The following DUXB variants were observed in gnomAD, a reference collection of about 807,000 sequenced individuals.
DUXB encodes double homeobox B, also known as double homeobox protein B.
Under a neutral mutation model 8.9 loss-of-function variants are expected in DUXB, and 22 were observed. That is an observed-to-expected ratio of 2.46 (90% CI 1.76 to 3.52). DUXB has a LOEUF of 3.52. Among genes scored for constraint, DUXB ranks in the 30% most tolerant of loss-of-function variants. The pLI is 0.00. For missense variants in DUXB, 237 were observed against 108.7 expected (o/e 2.18, Z -5.25); for synonymous variants, 84 against 37.6 (o/e 2.23, Z -4.52).
At chr16:75,699,277 T>G (rs374406973) in intron 2 of DUXB, among the ~76,000 whole-genome samples, 13 of 152,364 alleles carry the variant, frequency 8.5e-5, no homozygotes, top group African/African-American at 3.1e-4. Context: ...GACATTAAAT[T>G]AAGAAATAGC....
At chr16:75,696,531 G>A (rs1334206666) in intron 3 of DUXB, among the ~76,000 whole-genome samples, 1 of 152,128 alleles carries the variant, frequency 6.6e-6, no homozygotes, top group Admixed American at 6.5e-5. Flanking sequence ...AGGCAACAGA[G>A]TGAGACTCCA....
intron 3 of DUXB, 90 bp from the exon 4 acceptor site, chr16:75,696,205 C>T (rs908603097): frequency 3.0e-6 from 2 of 656,642 alleles, no homozygotes; most frequent in Non-Finnish European, 5.5e-6. Flanking sequence ...TATTTGTTCT[C>T]TCTGAATCCC....
In DUXB at chr16:75,700,121, C is replaced by G. The variant is rs1188198073; in HGVS notation, c.74G>C (p.Ser25Thr). 4.3e-6 allele frequency: 3 copies of G among 702,720 alleles called. No homozygotes were observed. The highest frequency in any genetic ancestry group is 7.8e-6 in the Non-Finnish European group (3 of 384,974). The allele number at this position is 702,720 out of a possible 1,614,324, so 43.5% of individuals were successfully genotyped here. A position where few individuals can be genotyped will look rare whatever the true frequency, so the allele number is the denominator to read the frequency against. The part of the protein sequence containing the change: ...FWRNRIQYNQ[S>T]QKDILQSWFQ... ...CCATGATTGGAGGATATCCTTTTGACTCTGGTTATACTGAATTCTGTTTCT... is the reference window on the plus strand; with the variant it reads ...CCATGATTGGAGGATATCCTTTTGAGTCTGGTTATACTGAATTCTGTTTCT... Residue 25 changes from serine (S) to threonine (T), a missense_variant, in exon 2 of 5, where the codon AGT becomes ACT. By Grantham distance (58) the Ser-to-Thr change is moderately conservative. Coordinates refer to ENST00000633875, the MANE Select transcript of DUXB (RefSeq NM_001351307.2).
rs959397683 is a variant in DUXB at position 75,694,387 on chromosome 16, T to C, written c.580A>G (p.Ser194Gly). 18 of 681,714 alleles carry C rather than the reference T, an allele frequency of 2.6e-5. No homozygotes were observed. The Middle Eastern group carries it at 1.6e-3, about 62-fold the overall frequency. 42.2% of individuals were successfully genotyped at this position (681,714 alleles called of 1,614,324 possible). A position where few individuals can be genotyped will look rare whatever the true frequency, so the allele number is the denominator to read the frequency against. ...HPINLFLPTD[S>G]SHYFSCSHSS... ...TGTGAGCAAGAAAAATAATGAGAGCTGTCTGTGGGGAGGAACAGGTTGATT... is the reference window on the plus strand; with the variant it reads ...TGTGAGCAAGAAAAATAATGAGAGCCGTCTGTGGGGAGGAACAGGTTGATT... The change falls in exon 5 of 5, where the codon AGC becomes GGC. Residue 194 changes from serine (S) to glycine (G), a missense_variant. Coordinates refer to ENST00000633875, the MANE Select transcript of DUXB (RefSeq NM_001351307.2).
chr16:75,695,999 GT>G lies in DUXB; in HGVS notation c.402del (p.Lys134AsnfsTer33), dbSNP rs1567521621. 4.3e-6 allele frequency: 3 copies of G among 702,830 alleles called. No homozygotes were observed. Among genetic ancestry groups the G allele is most frequent in the Non-Finnish European group, 7.8e-6 (3 of 385,000 alleles). 43.5% of individuals were successfully genotyped at this position (702,830 alleles called of 1,614,324 possible). On this transcript the variant is annotated frameshift_variant, in exon 4 of 5. Transcript: ENST00000633875. LOFTEE classifies it low-confidence loss of function (END_TRUNC). ...NPFPDIATRK[K>X]LAEQTGLQES... is the part of the protein sequence containing the mutation. The stretch of plus-strand genomic sequence containing the variant: ...TCCTGCAGGCCTGTTTGTTCAGCCA[GT>G]TTTTTTCTGGTAGCAATATCAGGGA...
chr16:75,694,299 G>T lies in DUXB; in HGVS notation c.668C>A (p.Pro223His), dbSNP rs965016730. The change falls in exon 5 of 5, where the codon CCC becomes CAC. Residue 223 changes from proline to histidine, a missense_variant. Coordinates refer to ENST00000633875, the MANE Select transcript of DUXB (RefSeq NM_001351307.2). ...VLPSTQAPWD[P>H]FRFHVSQGPN... is the part of the protein sequence containing the mutation. ...TCCTTGGCTCACATGGAACCTGAAG[G>T]GATCCCAAGGAGCCTGGGTTGAAGG... The T allele has an allele frequency of 1.6e-6, 1 of 614,078 alleles. No homozygotes were observed. Among genetic ancestry groups the T allele is most frequent in the Non-Finnish European group, 2.9e-6 (1 of 347,344 alleles). 38.0% of individuals were successfully genotyped at this position (614,078 alleles called of 1,614,324 possible). A position where few individuals can be genotyped will look rare whatever the true frequency, so the allele number is the denominator to read the frequency against.
Position 75,701,407 on chromosome 16 carries a change from C to G in DUXB, c.12G>C (p.Glu4Asp). The G allele has an allele frequency of 2.5e-6, 1 of 398,596 alleles. No homozygotes were observed. The highest frequency in any genetic ancestry group is 4.4e-6 in the Non-Finnish European group (1 of 226,078). 24.7% of individuals were successfully genotyped at this position (398,596 alleles called of 1,614,324 possible). A position where few individuals can be genotyped will look rare whatever the true frequency, so the allele number is the denominator to read the frequency against. The change falls in exon 1 of 5, where the codon GAG (glutamate) becomes GAC (aspartate). Residue 4 changes from glutamate to aspartate, a missense_variant. By Grantham distance (45) the Glu-to-Asp change is conservative (BLOSUM62 2). Transcript: ENST00000633875. MNL[E>D]GTSGGILQKE... is the part of the protein sequence containing the mutation. ...ATGGGAACTTACCACCTGAAGTGCC[C>G]TCCAAATTCATCTTGGGCAGAAGAC...
At chr16:75,694,720 G>A (rs952907151) in intron 4 of DUXB, among the ~76,000 whole-genome samples, 195 bp from the exon 5 acceptor site, 123 of 152,028 alleles carry the variant, frequency 8.1e-4, no homozygotes, top group African/African-American at 2.9e-3. Flanking sequence ...ATATTTAGAA[G>A]AAAACCCAAT....
At chr16:75,699,883 G>A (rs985162650) in intron 2 of DUXB, 132 bp downstream of exon 2, 2 of 513,142 alleles carry the variant, frequency 3.9e-6, no homozygotes, top group Non-Finnish European at 6.8e-6. Context: ...TTCTAATTTT[G>A]TAGAACAGGA....
chr16:75,699,337 A>G (rs1959198592), intron 2 of DUXB, among the ~76,000 whole-genome samples: 1 of 152,190 alleles, frequency 6.6e-6, no homozygotes, highest in Admixed American at 6.5e-5. Flanking sequence ...CCTTGTAATT[A>G]CATATTAATA....
chr16:75,700,253 G>A, intron 1 of DUXB, 84 bp from the exon 2 acceptor site: 1 of 601,498 alleles, frequency 1.7e-6, no homozygotes, highest in Non-Finnish European at 3.0e-6. Flanking sequence ...AATTTATTTT[G>A]AGACAGAGTC....
chr16:75,696,548 A>G (rs1447635503), intron 3 of DUXB, among the ~76,000 whole-genome samples: 1 of 152,298 alleles, frequency 6.6e-6, no homozygotes, highest in East Asian at 1.9e-4. Flanking sequence ...TCCATCTCAA[A>G]ACAAAATACA....
At position 75,693,924 on chromosome 16, in the gene DUXB, C is replaced by A; in HGVS notation, c.*5G>T. On this transcript the variant is annotated 3_prime_UTR_variant, in exon 5 of 5. Transcript: ENST00000633875. ...GAGTGTGCCTACTGCTGCCACAAGT[C>A]TGTCTCAGTGTGTCCCTTTGAGAGG... 1 of 399,084 alleles carries A rather than the reference C, an allele frequency of 2.5e-6. No individual in the cohort carries two copies. Among genetic ancestry groups the A allele is most frequent in the South Asian group, 1.3e-4 (1 of 7,854 alleles). The allele number at this position is 399,084 out of a possible 1,614,324, so 24.7% of individuals were successfully genotyped here. A position where few individuals can be genotyped will look rare whatever the true frequency, so the allele number is the denominator to read the frequency against.
intron 2 of DUXB, among the ~76,000 whole-genome samples, chr16:75,698,247 G>A (rs1403322585): frequency 6.6e-6 from 1 of 152,160 alleles, no homozygotes; most frequent in Non-Finnish European, 1.5e-5. Flanking sequence ...CCAATTACCA[G>A]TATTCCCATA....
At chr16:75,700,376 G>T (rs1208375920) in intron 1 of DUXB, among the ~76,000 whole-genome samples, 2 of 152,030 alleles carry the variant, frequency 1.3e-5, no homozygotes, top group African/African-American at 4.8e-5. Flanking sequence ...TGGGACTACA[G>T]GTATGCACCA....
intron 2 of DUXB, among the ~76,000 whole-genome samples, chr16:75,699,530 G>C (rs185938688): frequency 5.9e-5 from 9 of 151,340 alleles, no homozygotes; most frequent in African/African-American, 2.2e-4. Flanking sequence ...TACATAAACC[G>C]CATCCTTGTT....
intron 1 of DUXB, among the ~76,000 whole-genome samples, chr16:75,700,649 C>T (rs1959205291): frequency 1.3e-5 from 2 of 151,926 alleles, no homozygotes; most frequent in South Asian, 4.1e-4. Flanking sequence ...TCCTAAGTAG[C>T]TGGGGTGCCA....
chr16:75,698,171 C>G (rs1197126894), intron 2 of DUXB, among the ~76,000 whole-genome samples: 2 of 152,220 alleles, frequency 1.3e-5, no homozygotes, highest in Admixed American at 1.3e-4. Flanking sequence ...TAACCTCCAG[C>G]TACGTCATTT....
Position 75,696,954 on chromosome 16 carries a change from G to T in DUXB, c.181-11C>A, listed in dbSNP as rs866144770. ...ATTTTTAAACCAAACCTAAGTAGGA[G>T]AAGAAGATGTGATAGTCATACAACT... is the stretch of plus-strand genomic sequence containing the variant. On this transcript the variant is annotated splice_polypyrimidine_tract_variant and intron_variant, in intron 2 of 4. Coordinates refer to ENST00000633875, the MANE Select transcript of DUXB (RefSeq NM_001351307.2). The T allele has an allele frequency of 1.0e-5, 7 of 701,238 alleles. No individual in the cohort carries two copies. The highest frequency in any genetic ancestry group is 4.6e-4 in the Middle Eastern group (2 of 4,352). The allele number at this position is 701,238 out of a possible 1,614,324, so 43.4% of individuals were successfully genotyped here.
Sources: allele counts gnomAD v4.1 joint callset (sites outside exome capture counted in the v4.1 genomes callset), GRCh38; gene constraint gnomAD v4.1.1; transcripts MANE v1.5; gene names NCBI Gene and HGNC (gene_info 2026-07-23, HGNC 2026-07-21).